PRSS2: variants seen among roughly 807,000 people sequenced by gnomAD.
PRSS2 encodes trypsin-2.
Under a neutral mutation model 19.2 loss-of-function variants are expected in PRSS2, and 19 were observed. The observed-to-expected ratio is 0.99, with a 90% CI of 0.69 to 1.45. The LOEUF is 1.45. Among genes scored for constraint, PRSS2 ranks in the 40% most tolerant of loss-of-function variants. The pLI is 0.00. For synonymous variants in PRSS2, 107 were observed against 117.5 expected, an observed-to-expected ratio of 0.91 and a Z score of 0.58; for missense variants, 288 against 294.4, an observed-to-expected ratio of 0.98 and a Z score of 0.16.
intron 2 of PRSS2, chr7:142,772,738 G>A (rs1800047031): frequency 3.5e-6 from 2 of 572,526 alleles, no homozygotes; most frequent in Non-Finnish European, 3.1e-6. Context: ...ACAAATCACT[G>A]GGACCCATCC....
chr7:142,773,427 C>T lies in PRSS2; in HGVS notation c.362C>T (p.Ser121Phe). ...CTCTCCTCACCTGCCGTCATCAATT[C>T]CCGCGTGTCCGCCATCTCTCTGCCC... is the stretch of plus-strand genomic sequence containing the variant. ...IKLSSPAVIN[S>F]RVSAISLPTA... The change falls in exon 3 of 5, where the codon TCC (serine) becomes TTC (phenylalanine). Residue 121 changes from serine (S) to phenylalanine (F), a missense_variant. Ser to Phe is a radical substitution (Grantham distance 155). Transcript: ENST00000539842. 1.9e-6 allele frequency: 3 copies of T among 1,602,162 alleles called. No individual in the cohort carries two copies. The highest frequency in any genetic ancestry group is 1.3e-5 in the African/African-American group (1 of 74,876).
intron 3 of PRSS2, 125 bp downstream of exon 3, chr7:142,773,644 G>C: frequency 7.9e-7 from 1 of 1,266,976 alleles, no homozygotes. Context: ...ATTACACACA[G>C]GCTCTGCACT....
rs1263929618 is a variant in PRSS2 at position 142,772,191 on chromosome 7, A to G, written c.183A>G (p.Ala61=). The change falls in exon 2 of 5, where the codon GCA becomes GCG. Residue 61 remains alanine, a synonymous_variant. Coordinates refer to ENST00000539842, the MANE Select transcript of PRSS2 (RefSeq NM_002770.4). ...SLISEQWVVS[A]GHCYKSRIQV... ...TCAGCGAACAGTGGGTGGTGTCAGC[A>G]GGTCACTGCTACAAGTCGTAAGTGT... 14 of 1,613,766 alleles carry G rather than the reference A, an allele frequency of 8.7e-6. No individual in the cohort carries two copies. Among genetic ancestry groups the G allele is most frequent in the Non-Finnish European group, 1.1e-5 (13 of 1,179,754 alleles).
intron 1 of PRSS2, 84 bp from the exon 2 acceptor site, chr7:142,771,965 A>C: frequency 6.3e-7 from 1 of 1,593,834 alleles, no homozygotes; most frequent in Non-Finnish European, 8.6e-7. Flanking sequence ...AAGGTTTTCT[A>C]ATTAGCAGGA....
intron 3 of PRSS2, among the ~76,000 whole-genome samples, 197 bp downstream of exon 3, chr7:142,773,716 T>C (rs1800173253): frequency 6.6e-6 from 1 of 152,224 alleles, no homozygotes; most frequent in Non-Finnish European, 1.5e-5. Context: ...ACAGGACAAA[T>C]GGAGAACTTG....
chr7:142,772,018 C>A, intron 1 of PRSS2, 31 bp from the exon 2 acceptor site: 1 of 1,613,918 alleles, frequency 6.2e-7, no homozygotes, highest in Non-Finnish European at 8.5e-7. Flanking sequence ...ATGCTACTGA[C>A]TTGCCTTCTC....
At chr7:142,773,123 T>G in intron 2 of PRSS2, 143 bp from the exon 3 acceptor site, 1 of 1,464,306 alleles carries the variant, frequency 6.8e-7, no homozygotes, top group Non-Finnish European at 9.3e-7. Context: ...CACATTGCTC[T>G]CCTGCCCATG....
intron 1 of PRSS2, 68 bp from the exon 2 acceptor site, chr7:142,771,981 C>G: frequency 2.9e-6 from 4 of 1,370,298 alleles, no homozygotes; most frequent in Admixed American, 4.1e-5. Context: ...CAGGAAGCAG[C>G]CACAGGCTGG....
In PRSS2 at chr7:142,774,355, G is replaced by A. The variant is rs770542309; in HGVS notation, c.592-1G>A. 2 of 1,236,944 alleles carry A rather than the reference G, an allele frequency of 1.6e-6. No homozygotes were observed. The highest frequency in any genetic ancestry group is 1.2e-5 in the South Asian group (1 of 83,790). 76.6% of individuals were successfully genotyped at this position (1,236,944 alleles called of 1,614,324 possible). A position where few individuals can be genotyped will look rare whatever the true frequency, so the allele number is the denominator to read the frequency against. ...TACAACTTGTCCCTTCTTCCCCCCAGGGTGATTCTGGTGGCCCTGTGGTCT... is the reference window on the plus strand; with the variant it reads ...TACAACTTGTCCCTTCTTCCCCCCAAGGTGATTCTGGTGGCCCTGTGGTCT... On this transcript the variant is annotated splice_acceptor_variant, in intron 4 of 4. Coordinates refer to ENST00000539842, the MANE Select transcript of PRSS2 (RefSeq NM_002770.4). LOFTEE classifies it high-confidence loss of function.
rs1427532289 is a variant in PRSS2 at position 142,772,009 on chromosome 7, T to C, written c.41-40T>C. On this transcript the variant is annotated intron_variant, in intron 1 of 4. Transcript: ENST00000539842. ...CAGGCTGGGAGCGCCACCCCTAACA[T>C]GCTACTGACTTGCCTTCTCCCTTCC... 10 of 1,613,686 alleles carry C rather than the reference T, an allele frequency of 6.2e-6. No homozygotes were observed. The African/African-American group carries it at 6.7e-5, about 11-fold the overall frequency.
intron 3 of PRSS2, among the ~76,000 whole-genome samples, 179 bp from the exon 4 acceptor site, chr7:142,773,740 G>A (rs1447830157): frequency 5.9e-5 from 9 of 152,082 alleles, no homozygotes; most frequent in Middle Eastern, 3.4e-3. Context: ...TGATCACTTC[G>A]TGGGAGAGGT....
At chr7:142,772,644 A>G (rs1800036471) in intron 2 of PRSS2, 1 of 640,088 alleles carries the variant, frequency 1.6e-6, no homozygotes, top group Non-Finnish European at 2.8e-6. Flanking sequence ...TGTAGAGTGT[A>G]TAGACAGAGC....
At position 142,774,033 on chromosome 7, in the gene PRSS2, A is replaced by C; in HGVS notation, c.569A>C (p.Glu190Ala). 6.3e-7 allele frequency: 1 copy of C among 1,599,266 alleles called. No individual in the cohort carries two copies. Residue 190 changes from glutamate (E) to alanine (A), a missense_variant, in exon 4 of 5, where the codon GAG becomes GCG. Transcript: ENST00000539842. The stretch of plus-strand genomic sequence containing the variant: ...AACATGTTCTGTGTGGGCTTCCTCG[A>C]GGGAGGCAAGGATTCCTGCCAGGTG... ...TNNMFCVGFL[E>A]GGKDSCQGDS...
At chr7:142,772,622 A>G in intron 2 of PRSS2, 1 of 664,580 alleles carries the variant, frequency 1.5e-6, no homozygotes, top group South Asian at 1.7e-5. Context: ...TTCACACTCT[A>G]CCTCTGGTAA....
At position 142,773,920 on chromosome 7, in the gene PRSS2, C is replaced by T. The variant is rs772148154; in HGVS notation, c.456C>T (p.Ala152=). The T allele has an allele frequency of 2.4e-5, 38 of 1,612,522 alleles. No homozygotes were observed. Among genetic ancestry groups the T allele is most frequent in the African/African-American group, 6.7e-5 (5 of 74,928 alleles). The change falls in exon 4 of 5, where the codon GCC becomes GCT. Residue 152 remains alanine (A), a splice_region_variant and synonymous_variant. Transcript: ENST00000539842. ...TTGTTCTCTTCCTGATCCTCACAGC[C>T]GACTACCCAGACGAGCTGCAGTGCC... ...SGWGNTLSSG[A]DYPDELQCLD...
Position 142,773,971 on chromosome 7 carries a change from T to A in PRSS2, c.507T>A (p.Ala169=). The A allele has an allele frequency of 1.9e-6, 3 of 1,612,416 alleles. No homozygotes were observed. The highest frequency in any genetic ancestry group is 2.5e-6 in the Non-Finnish European group (3 of 1,178,440). Residue 169 remains alanine (A), a synonymous_variant, in exon 4 of 5, where the codon GCT becomes GCA. Transcript: ENST00000539842. ...QCLDAPVLSQ[A]ECEASYPGKI... The stretch of plus-strand genomic sequence containing the variant: ...TGGATGCTCCTGTGCTGAGCCAGGC[T>A]GAGTGTGAAGCCTCCTACCCTGGAA...
chr7:142,773,429 C>T lies in PRSS2; in HGVS notation c.364C>T (p.Arg122Cys), dbSNP rs934469549. The T allele has an allele frequency of 1.1e-5, 18 of 1,601,376 alleles. 1 individual carries two copies. The highest frequency in any genetic ancestry group is 6.7e-5 in the Admixed American group (4 of 59,992). ...CTCCTCACCTGCCGTCATCAATTCC[C>T]GCGTGTCCGCCATCTCTCTGCCCAC... ...KLSSPAVINS[R>C]VSAISLPTAP... is the part of the protein sequence containing the mutation. The change falls in exon 3 of 5, where the codon CGC (arginine) becomes TGC (cysteine). Residue 122 changes from arginine to cysteine, a missense_variant. Arg to Cys is a radical substitution (Grantham distance 180). Coordinates refer to ENST00000539842, the MANE Select transcript of PRSS2 (RefSeq NM_002770.4).
At chr7:142,772,430 A>G in intron 2 of PRSS2, 1 of 781,200 alleles carries the variant, frequency 1.3e-6, no homozygotes, top group Non-Finnish European at 2.2e-6. Flanking sequence ...TGGTCATAAA[A>G]GCAGGCAGGG....
chr7:142,773,422 C>T lies in PRSS2; in HGVS notation c.357C>T (p.Ile119=), dbSNP rs1042919369. The T allele has an allele frequency of 6.9e-6, 11 of 1,603,968 alleles. No individual in the cohort carries two copies. The African/African-American group carries it at 1.5e-4, about 21-fold the overall frequency. The change falls in exon 3 of 5, where the codon ATC becomes ATT. Residue 119 remains isoleucine, a synonymous_variant. Transcript: ENST00000539842. ...LLIKLSSPAV[I]NSRVSAISLP... Reference sequence around the variant, plus strand: ...TCAAGCTCTCCTCACCTGCCGTCATCAATTCCCGCGTGTCCGCCATCTCTC... The same window carrying T: ...TCAAGCTCTCCTCACCTGCCGTCATTAATTCCCGCGTGTCCGCCATCTCTC...
Sources: gnomAD v4.1 joint callset for allele counts (sites outside exome capture counted in the v4.1 genomes callset) on GRCh38, gnomAD v4.1.1 for gene constraint, MANE v1.5 for transcripts, NCBI Gene and HGNC (gene_info 2026-07-23, HGNC 2026-07-21) for gene names.